Variants in EHMT2 observed in about 807,000 individuals in gnomAD.
EHMT2 encodes the protein euchromatic histone lysine methyltransferase 2.
Under a neutral mutation model 143.3 loss-of-function variants are expected in EHMT2, and 59 were observed. The ratio of observed to expected loss-of-function variants is 0.41; its 90% CI spans 0.33 to 0.51. The LOEUF is 0.51. Among genes scored for constraint, EHMT2 ranks in the 20% least tolerant of loss-of-function variants. The probability of loss-of-function intolerance (pLI) is 0.18; values close to 1 mark genes in which losing one functional copy is unlikely to be tolerated. For missense variants in EHMT2, 1,174 were observed against 1,645.9 expected, an observed-to-expected ratio of 0.71 and a Z score of 4.96; for synonymous variants, 604 against 651.5, an observed-to-expected ratio of 0.93 and a Z score of 1.11.
Position 31,888,756 on chromosome 6 carries a change from G to A in EHMT2, c.1217-9C>T, listed in dbSNP as rs781086689. 6.2e-7 allele frequency: 1 copy of A among 1,611,744 alleles called. No homozygotes were observed. The highest frequency in any genetic ancestry group is 1.3e-5 in the African/African-American group (1 of 74,910). ...TGTGTCATTGGACACCCCTTGGATG[G>A]AGGAAAAGAGGAGCTGAGGGAGGCT... On this transcript the variant is annotated splice_polypyrimidine_tract_variant and intron_variant, in intron 10 of 27. Transcript: ENST00000375537. This position sits in a 1 kb window ranked among gnomAD's most constrained non-coding sequence, Gnocchi z 7.4.
intron 4 of EHMT2, among the ~76,000 whole-genome samples, chr6:31,894,225 CA>C: frequency 6.6e-6 from 1 of 151,980 alleles, no homozygotes; most frequent in East Asian, 1.9e-4. Flanking sequence ...CGGCTAACTA[CA>C]ACCTCTGCCT....
At position 31,888,547 on chromosome 6, in the gene EHMT2, G is replaced by A. The variant is rs374621183; in HGVS notation, c.1366-41C>T. 4 of 1,609,404 alleles carry A rather than the reference G, an allele frequency of 2.5e-6. No homozygotes were observed. In the African/African-American group the frequency reaches 5.3e-5, roughly 22 times the overall value. Reference sequence around the variant, plus strand: ...ATGGGTGAGAAGAGAGCGTGAGGCTGGGGCCGGGGACTGGACGCCCTGGCA... The same window carrying A: ...ATGGGTGAGAAGAGAGCGTGAGGCTAGGGCCGGGGACTGGACGCCCTGGCA... On this transcript the variant is annotated intron_variant, in intron 11 of 27. Transcript: ENST00000375537. The surrounding 1 kb of genome is among the most constrained non-coding windows in gnomAD (Gnocchi z 7.4).
Position 31,884,617 on chromosome 6 carries a change from G to C in EHMT2, c.2603+28C>G. 1 of 1,601,416 alleles carries C rather than the reference G, an allele frequency of 6.2e-7. No homozygotes were observed. The highest frequency in any genetic ancestry group is 8.5e-7 in the Non-Finnish European group (1 of 1,172,254). ...CTGAGGCTGCAAGAAGTGGGGGCAG[G>C]GGCATCAAGGGCGGGGCAGGGGCTC... On this transcript the variant is annotated intron_variant, in intron 20 of 27. Transcript: ENST00000375537. This position sits in a 1 kb window ranked among gnomAD's most constrained non-coding sequence, Gnocchi z 7.3.
chr6:31,888,920 C>A lies in EHMT2; in HGVS notation c.1216+49G>T, dbSNP rs772446027. On this transcript the variant is annotated intron_variant, in intron 10 of 27. Coordinates refer to ENST00000375537, the Ensembl canonical transcript of EHMT2. The surrounding 1 kb of genome is among the most constrained non-coding windows in gnomAD (Gnocchi z 7.4). ...TTCCCCTCCTTCCCTTTCCCTCCTGCCCTGAGGTCGCCCCCTAGTGGCTCC... is the reference window on the plus strand; with the variant it reads ...TTCCCCTCCTTCCCTTTCCCTCCTGACCTGAGGTCGCCCCCTAGTGGCTCC... 1 of 1,545,538 alleles carries A rather than the reference C, an allele frequency of 6.5e-7. No individual in the cohort carries two copies.
chr6:31,890,231 C>A (rs1183897601), intron 7 of EHMT2, among the ~76,000 whole-genome samples: 4 of 151,686 alleles, frequency 2.6e-5, no homozygotes, highest in Non-Finnish European at 4.4e-5. Flanking sequence ...GAGCTGGTTT[C>A]TTTGACAAAT....
chr6:31,896,245 C>G lies in EHMT2; in HGVS notation c.582+18G>C, dbSNP rs547356034. On this transcript the variant is annotated intron_variant, in intron 4 of 27. Coordinates refer to ENST00000375537, the Ensembl canonical transcript of EHMT2. ...AAAGGTTTATGGTTGATTATCCCAT[C>G]TCTCCCATCCCACTCACCTGTCCAT... The G allele has an allele frequency of 6.3e-6, 10 of 1,598,052 alleles. No homozygotes were observed. The East Asian group carries it at 2.2e-4, about 36-fold the overall frequency.
intron 18 of EHMT2, chr6:31,886,331 G>A: frequency 3.7e-6 from 2 of 543,996 alleles, no homozygotes; most frequent in Admixed American, 7.2e-5. Flanking sequence ...GACAACCCAA[G>A]AGTTAATAAA....
intron 4 of EHMT2, 42 bp downstream of exon 4, chr6:31,896,221 A>G: frequency 6.4e-7 from 1 of 1,569,674 alleles, no homozygotes; most frequent in Non-Finnish European, 8.6e-7. Context: ...GAGCTCACCA[A>G]AGGTTTATGG....
rs768695433 is a variant in EHMT2, at chr6:31,884,449, C to T, written c.2714G>A (p.Arg905His). ...ATTTCCCACCCCAAGTCGGAGCTTGCGGTTGAGTTGAAGCGCAAACCACAC... is the reference window on the plus strand; with the variant it reads ...ATTTCCCACCCCAAGTCGGAGCTTGTGGTTGAGTTGAAGCGCAAACCACAC... Residue 905 changes from arginine to histidine, a missense_variant, in exon 21 of 28, where the codon CGC becomes CAC. Coordinates refer to ENST00000375537, the Ensembl canonical transcript of EHMT2. The surrounding 1 kb of genome is among the most constrained non-coding windows in gnomAD (Gnocchi z 7.3). 5.6e-6 allele frequency: 9 copies of T among 1,612,856 alleles called. No individual in the cohort carries two copies. Among genetic ancestry groups the T allele is most frequent in the Non-Finnish European group, 6.8e-6 (8 of 1,180,006 alleles).
chr6:31,886,753 G>C, intron 17 of EHMT2, 22 bp downstream of exon 17: 1 of 1,614,114 alleles, frequency 6.2e-7, no homozygotes, highest in South Asian at 1.1e-5. Flanking sequence ...CGGGGGCCAC[G>C]CCCTGCTGCC....
chr6:31,881,982 G>A lies in EHMT2; in HGVS notation c.3197+717C>T, dbSNP rs576840292. On this transcript the variant is annotated intron_variant, in intron 25 of 27. Transcript: ENST00000375537. The surrounding 1 kb of genome is among the most constrained non-coding windows in gnomAD (Gnocchi z 4.8). ...TAGCCGGGTGTGGTGGTGCGCACCT[G>A]TAATCCCAGCTACTTGGGAGGCTGA... Among the ~76,000 whole-genome samples the A allele has an allele frequency of 1.3e-5, 2 of 152,256 alleles. No homozygotes were observed. Among genetic ancestry groups the A allele is most frequent in the Admixed American group, 6.5e-5 (1 of 15,298 alleles).
Position 31,896,524 on chromosome 6 carries a change from A to C in EHMT2, c.329-8T>G, listed in dbSNP as rs752271572. 9.3e-6 allele frequency: 15 copies of C among 1,611,984 alleles called. No homozygotes were observed. In the African/African-American group the frequency reaches 1.7e-4, roughly 19 times the overall value. On this transcript the variant is annotated splice_polypyrimidine_tract_variant and splice_region_variant and intron_variant, in intron 3 of 27. Coordinates refer to ENST00000375537, the Ensembl canonical transcript of EHMT2. ...ATGACTTTGTGGCATGGCCTAGAAA[A>C]CAGGCAAGCAAAAGGCAAGATAAGA...
intron 25 of EHMT2, 90 bp downstream of exon 25, chr6:31,882,609 C>G: frequency 1.6e-6 from 2 of 1,274,236 alleles, no homozygotes; most frequent in Non-Finnish European, 2.2e-6. Context: ...TGTGACTCAT[C>G]AGGGCAGATG....
chr6:31,893,986 A>G (rs1766032631), intron 4 of EHMT2, among the ~76,000 whole-genome samples: 1 of 152,052 alleles, frequency 6.6e-6, no homozygotes, highest in East Asian at 1.9e-4. Context: ...TTTTATTTTT[A>G]AATTTTTAGA....
At position 31,888,897 on chromosome 6, in the gene EHMT2, C is replaced by T. The variant is rs1235056132; in HGVS notation, c.1216+72G>A. 5.3e-6 allele frequency: 8 copies of T among 1,502,194 alleles called. No individual in the cohort carries two copies. The highest frequency in any genetic ancestry group is 7.2e-6 in the Non-Finnish European group (8 of 1,105,766). The allele number at this position is 1,502,194 out of a possible 1,614,324, so 93.1% of individuals were successfully genotyped here. On this transcript the variant is annotated intron_variant, in intron 10 of 27. Coordinates refer to ENST00000375537, the Ensembl canonical transcript of EHMT2. The surrounding 1 kb of genome is among the most constrained non-coding windows in gnomAD (Gnocchi z 7.4). ...TGGACACCCCGGCTCTGGCGTGGTTCCCCTCCTTCCCTTTCCCTCCTGCCC... is the reference window on the plus strand; with the variant it reads ...TGGACACCCCGGCTCTGGCGTGGTTTCCCTCCTTCCCTTTCCCTCCTGCCC...
intron 4 of EHMT2, chr6:31,893,663 C>T: frequency 3.7e-6 from 1 of 267,522 alleles, no homozygotes. Context: ...TCTTGGTATG[C>T]TGCCCAGGTG....
Position 31,883,733 on chromosome 6 carries a change from G to A in EHMT2, c.2916+73C>T. On this transcript the variant is annotated intron_variant, in intron 22 of 27. Transcript: ENST00000375537. This position sits in a 1 kb window ranked among gnomAD's most constrained non-coding sequence, Gnocchi z 5.6. ...CCTTCCTTGGCCAGGTGCCTTTGCT[G>A]GTTTGAAGCTTGTCCAACTGTACTT... is the stretch of plus-strand genomic sequence containing the variant. 1 of 1,572,984 alleles carries A rather than the reference G, an allele frequency of 6.4e-7. No individual in the cohort carries two copies. Among genetic ancestry groups the A allele is most frequent in the Non-Finnish European group, 8.7e-7 (1 of 1,154,026 alleles).
chr6:31,887,755 G>A (rs934620940), intron 14 of EHMT2, 24 bp downstream of exon 14: 1 of 1,600,802 alleles, frequency 6.2e-7, no homozygotes, highest in Non-Finnish European at 8.5e-7. Flanking sequence ...CCCAGTTGCT[G>A]TGCCTGAGCA....
intron 4 of EHMT2, 59 bp downstream of exon 4, chr6:31,896,204 T>C: frequency 6.5e-7 from 1 of 1,546,476 alleles, no homozygotes; most frequent in Non-Finnish European, 8.7e-7. Context: ...TAAGTGAAAC[T>C]GTAAAAGAGC....
Sources: allele counts gnomAD v4.1 joint callset (sites outside exome capture counted in the v4.1 genomes callset), GRCh38; gene constraint gnomAD v4.1.1; non-coding constraint Gnocchi (gnomAD v3.1); transcripts MANE v1.5; gene names NCBI Gene and HGNC (gene_info 2026-07-23, HGNC 2026-07-21).